FCRL2: variants seen among roughly 807,000 people sequenced by gnomAD.
The protein encoded by FCRL2 is Fc receptor-like protein 2.
A neutral mutation model predicts 59.8 loss-of-function variants in FCRL2; 48 were observed. That is an observed-to-expected ratio of 0.80 (90% confidence interval 0.64 to 1.02). The LOEUF (loss-of-function observed/expected upper bound fraction) is 1.02. Ranked by LOEUF, FCRL2 falls within the 50% of genes least tolerant of loss-of-function variation. The pLI is 0.00. For missense variants in FCRL2, 658 were observed against 597.3 expected (o/e 1.10, Z -1.06); for synonymous variants, 251 against 229.5 (o/e 1.09, Z -0.85).
In FCRL2 at chr1:157,766,842, T is replaced by C. The variant is rs750460981; in HGVS notation, c.1279+13A>G. On this transcript the variant is annotated intron_variant, in intron 7 of 11. Transcript: ENST00000361516. ...CATAGCAAAATATGGAGAATCCAAATGGTAGATACAACCTGATATCTTGTG... is the reference window on the plus strand; with the variant it reads ...CATAGCAAAATATGGAGAATCCAAACGGTAGATACAACCTGATATCTTGTG... 17 of 1,614,106 alleles carry C rather than the reference T, an allele frequency of 1.1e-5. No homozygotes were observed. Among genetic ancestry groups the C allele is most frequent in the Non-Finnish European group, 1.4e-5 (17 of 1,180,014 alleles).
intron 5 of FCRL2, 75 bp downstream of exon 5, chr1:157,768,339 A>G: frequency 6.7e-7 from 1 of 1,493,060 alleles, no homozygotes; most frequent in Non-Finnish European, 9.1e-7. Flanking sequence ...GCCTCCTGAA[A>G]TTTCCTCAGG....
At chr1:157,753,395 G>T (rs1337236875) in intron 7 of FCRL2, among the ~76,000 whole-genome samples, 1 of 152,096 alleles carries the variant, frequency 6.6e-6, no homozygotes, top group Non-Finnish European at 1.5e-5. Context: ...TCAATAATTT[G>T]CTCTATAGAA....
At position 157,746,505 on chromosome 1, in the gene FCRL2, A is replaced by G. The variant is rs142447596; in HGVS notation, c.*231T>C. The G allele has an allele frequency of 1.0e-4, 58 of 576,296 alleles. No homozygotes were observed. In the East Asian group the frequency reaches 1.6e-3, roughly 16 times the overall value. 35.7% of individuals were successfully genotyped at this position (576,296 alleles called of 1,614,324 possible). ...GATTGCTTAAGAGAAGGTAGCAGAA[A>G]TAATTTATTTGCACAGTGTCTGGAT... is the stretch of plus-strand genomic sequence containing the variant. On this transcript the variant is annotated 3_prime_UTR_variant, in exon 12 of 12. Coordinates refer to ENST00000361516, the MANE Select transcript of FCRL2 (RefSeq NM_030764.4).
intron 2 of FCRL2, chr1:157,774,524 A>T: frequency 2.2e-6 from 1 of 453,750 alleles, no homozygotes; most frequent in Non-Finnish European, 4.4e-6. Context: ...TTGCTAAAGG[A>T]AAAGAAAGAG....
chr1:157,748,972 T>A lies in FCRL2; in HGVS notation c.1308-12A>T. ...GCCTGGAAGCCCCTCTGTGAGAAAG[T>A]GAATTAATTGTATGATAATCCCCAG... On this transcript the variant is annotated splice_polypyrimidine_tract_variant and intron_variant, in intron 8 of 11. Coordinates refer to ENST00000361516, the MANE Select transcript of FCRL2 (RefSeq NM_030764.4). 1.2e-6 allele frequency: 2 copies of A among 1,609,268 alleles called. No individual in the cohort carries two copies. Among genetic ancestry groups the A allele is most frequent in the Non-Finnish European group, 1.7e-6 (2 of 1,175,908 alleles).
intron 2 of FCRL2, among the ~76,000 whole-genome samples, chr1:157,772,017 GA>G (rs1650058645): frequency 6.8e-6 from 1 of 146,786 alleles, no homozygotes; most frequent in African/African-American, 2.6e-5. Context: ...AGACATTGGG[GA>G]ACAATCTGAT....
chr1:157,747,318 T>C (rs1458724097), intron 10 of FCRL2, among the ~76,000 whole-genome samples: 2 of 152,180 alleles, frequency 1.3e-5, no homozygotes, highest in African/African-American at 4.8e-5. Flanking sequence ...CTGAATCACA[T>C]AGTATTTTGA....
At chr1:157,754,732 A>G (rs2101684653) in intron 7 of FCRL2, among the ~76,000 whole-genome samples, 1 of 152,220 alleles carries the variant, frequency 6.6e-6, no homozygotes, top group African/African-American at 2.4e-5. Context: ...TAGAGAGGCC[A>G]AGACTGGTAG....
At chr1:157,767,009 A>G in intron 6 of FCRL2, 38 bp from the exon 7 acceptor site, 3 of 1,567,468 alleles carry the variant, frequency 1.9e-6, no homozygotes, top group Non-Finnish European at 2.6e-6. Context: ...CCAGAGGTTT[A>G]AGACTTGGGC....
At chr1:157,767,687 G>A in intron 5 of FCRL2, 178 bp from the exon 6 acceptor site, 1 of 1,571,706 alleles carries the variant, frequency 6.4e-7, no homozygotes, top group Admixed American at 1.7e-5. Context: ...AGACGTTTGA[G>A]GGGAATATCA....
intron 4 of FCRL2, 23 bp from the exon 5 acceptor site, chr1:157,768,724 G>T (rs756019626): frequency 5.1e-6 from 8 of 1,571,784 alleles, no homozygotes; most frequent in Non-Finnish European, 6.0e-6. Flanking sequence ...AAGACAACAG[G>T]TGAGAACTCT....
At chr1:157,774,355 T>C (rs1650249314) in intron 2 of FCRL2, 1 of 443,352 alleles carries the variant, frequency 2.3e-6, no homozygotes, top group Non-Finnish European at 4.5e-6. Context: ...CCAGCCTACA[T>C]AGCAGGTATA....
chr1:157,748,783 G>T (rs1350029134), intron 9 of FCRL2, 92 bp downstream of exon 9: 14 of 1,268,594 alleles, frequency 1.1e-5, no homozygotes, highest in Non-Finnish European at 1.6e-5. Flanking sequence ...CTGGTGTTGG[G>T]GTGTCTACAC....
intron 7 of FCRL2, among the ~76,000 whole-genome samples, chr1:157,754,832 G>T (rs140322120): frequency 5.9e-5 from 9 of 151,872 alleles, no homozygotes; most frequent in African/African-American, 2.2e-4. Context: ...CAGTCACGGC[G>T]GTGCATGCCT....
chr1:157,750,342 G>A (rs546821751), intron 7 of FCRL2, among the ~76,000 whole-genome samples: 2 of 152,268 alleles, frequency 1.3e-5, no homozygotes, highest in South Asian at 4.1e-4. Flanking sequence ...GTATATAGAG[G>A]CCACCCCAGC....
At chr1:157,756,585 A>C (rs1648605335) in intron 7 of FCRL2, among the ~76,000 whole-genome samples, 2 of 152,028 alleles carry the variant, frequency 1.3e-5, no homozygotes, top group Admixed American at 1.3e-4. Flanking sequence ...AAATTGAGGC[A>C]AGAGGATCAC....
intron 7 of FCRL2, among the ~76,000 whole-genome samples, chr1:157,757,446 C>T (rs538159288): frequency 2.6e-5 from 4 of 151,892 alleles, no homozygotes; most frequent in Admixed American, 2.6e-4. Context: ...TGTAACAAAC[C>T]TGCACGTTCT....
chr1:157,748,952 G>A lies in FCRL2; in HGVS notation c.1316C>T (p.Ser439Phe). 6.2e-7 allele frequency: 1 copy of A among 1,613,840 alleles called. No homozygotes were observed. Among genetic ancestry groups the A allele is most frequent in the Non-Finnish European group, 8.5e-7 (1 of 1,179,834 alleles). ...SSATNEPRGA[S>F]RPNPQEFTYS... Reference sequence around the variant, plus strand: ...GGTGAACTCTTGAGGATTTGGCCTGGAAGCCCCTCTGTGAGAAAGTGAATT... The same window carrying A: ...GGTGAACTCTTGAGGATTTGGCCTGAAAGCCCCTCTGTGAGAAAGTGAATT... The change falls in exon 9 of 12, where the codon TCC becomes TTC. Residue 439 changes from serine to phenylalanine, a missense_variant. Transcript: ENST00000361516.
chr1:157,755,344 G>A (rs1398691427), intron 7 of FCRL2, among the ~76,000 whole-genome samples: 1 of 152,076 alleles, frequency 6.6e-6, no homozygotes, highest in Non-Finnish European at 1.5e-5. Context: ...TTGAGAAACA[G>A]GCAAAAAAAT....
Sources: allele counts gnomAD v4.1 joint callset (sites outside exome capture counted in the v4.1 genomes callset), GRCh38; gene constraint gnomAD v4.1.1; transcripts MANE v1.5; gene names NCBI Gene and HGNC (gene_info 2026-07-23, HGNC 2026-07-21).